Variants in ITSN1 observed in about 807,000 individuals in gnomAD.
The protein encoded by ITSN1 is intersectin-1.
ITSN1 carries 58 observed loss-of-function variants against 239.8 expected under a neutral mutation model. That is an observed-to-expected ratio of 0.24 (90% CI 0.20 to 0.30). ITSN1 has a LOEUF of 0.30. ITSN1 is among the 10% of genes least tolerant of loss of function. ITSN1 has a pLI of 1.00. For synonymous variants in ITSN1, 780 were observed against 770.8 expected (o/e 1.01, Z -0.20); for missense variants, 1,558 against 2,103.3 (o/e 0.74, Z 5.07).
intron 5 of ITSN1, among the ~76,000 whole-genome samples, chr21:33,746,200 CTAAA>C: frequency 6.6e-6 from 1 of 152,242 alleles, no homozygotes; most frequent in African/African-American, 2.4e-5. Flanking sequence ...ATGCCGGTTA[CTAAA>C]TAAAGATAGA....
At chr21:33,770,550 CA>C (rs1382316426) in intron 11 of ITSN1, among the ~76,000 whole-genome samples, 2 of 152,196 alleles carry the variant, frequency 1.3e-5, no homozygotes, top group Admixed American at 6.5e-5. Flanking sequence ...CACCTCACAA[CA>C]AAACTCCATA....
intron 10 of ITSN1, among the ~76,000 whole-genome samples, chr21:33,767,264 A>G (rs575759684): frequency 2.0e-5 from 3 of 152,328 alleles, no homozygotes; most frequent in South Asian, 2.1e-4. Context: ...TTTACGAACT[A>G]TATAGACATT....
chr21:33,673,331 G>A (rs2090409882), intron 1 of ITSN1, among the ~76,000 whole-genome samples: 2 of 152,290 alleles, frequency 1.3e-5, no homozygotes, highest in Admixed American at 1.3e-4. Context: ...TTAGCATGAT[G>A]ACTCTGGCTA....
At chr21:33,788,084 C>G (rs1471467582) in intron 16 of ITSN1, among the ~76,000 whole-genome samples, 1 of 152,142 alleles carries the variant, frequency 6.6e-6, no homozygotes, top group Non-Finnish European at 1.5e-5. Context: ...ACTTTCTTCT[C>G]TTAATGGAAT....
intron 1 of ITSN1, among the ~76,000 whole-genome samples, chr21:33,673,065 ATCCAGTGGAATAG>A (rs1210813966): frequency 2.6e-5 from 4 of 152,198 alleles, no homozygotes; most frequent in Non-Finnish European, 1.5e-5. Flanking sequence ...GGGCATATAC[ATCCAGTGGAATAG>A]CCATTAAAAA....
In ITSN1 at chr21:33,856,785, G is replaced by A. The variant is rs1390101425; in HGVS notation, c.3711G>A (p.Lys1237=). The A allele has an allele frequency of 6.2e-6, 10 of 1,614,144 alleles. No individual in the cohort carries two copies. Among genetic ancestry groups the A allele is most frequent in the Non-Finnish European group, 8.5e-6 (10 of 1,180,020 alleles). ...ATATGTTGACCCCAACTGAAAGAAAGCGACAAGGATACATCCACGAGCTCA... is the reference window on the plus strand; with the variant it reads ...ATATGTTGACCCCAACTGAAAGAAAACGACAAGGATACATCCACGAGCTCA... ...LLDMLTPTER[K]RQGYIHELIV... Residue 1237 remains lysine (K), a synonymous_variant, in exon 30 of 40, where the codon AAG becomes AAA. Coordinates refer to ENST00000381318, the MANE Select transcript of ITSN1 (RefSeq NM_003024.3).
chr21:33,739,738 A>G (rs2066728832), intron 5 of ITSN1, among the ~76,000 whole-genome samples: 1 of 152,218 alleles, frequency 6.6e-6, no homozygotes, highest in African/African-American at 2.4e-5. Flanking sequence ...GTCCTAAGGC[A>G]AAAACTAGCT....
chr21:33,734,122 TC>T (rs1036802285), intron 4 of ITSN1, among the ~76,000 whole-genome samples: 5 of 152,146 alleles, frequency 3.3e-5, no homozygotes, highest in African/African-American at 1.2e-4. Context: ...TTTAAAAAAA[TC>T]CTCATGCTTT....
intron 4 of ITSN1, among the ~76,000 whole-genome samples, chr21:33,730,248 T>A (rs1476793332): frequency 6.6e-6 from 1 of 152,002 alleles, no homozygotes; most frequent in Admixed American, 6.6e-5. Flanking sequence ...TTCCACCCAT[T>A]GTATTAGTTT....
chr21:33,725,665 A>G (rs1160694960), intron 4 of ITSN1, among the ~76,000 whole-genome samples: 2 of 152,212 alleles, frequency 1.3e-5, no homozygotes, highest in Non-Finnish European at 2.9e-5. Flanking sequence ...AGGTTTTTAT[A>G]ATGACTATGT....
rs76350182 is a variant in ITSN1, at chr21:33,859,413, C to T, written c.3890+621C>T. On this transcript the variant is annotated intron_variant, in intron 31 of 39. Coordinates refer to ENST00000381318, the MANE Select transcript of ITSN1 (RefSeq NM_003024.3). ...ATCTGTAAAATGAAAGGGTTGGATT[C>T]GATCATCACAAAGTCTCTTCCAATT... Among the ~76,000 whole-genome samples, 1,066 of 151,734 alleles carry T rather than the reference C, an allele frequency of 7.0e-3. 8 individuals carry two copies. Among genetic ancestry groups the T allele is most frequent in the Non-Finnish European group, 0.011 (721 of 67,906 alleles).
chr21:33,820,136 TAAAA>T (rs879562955), intron 24 of ITSN1, among the ~76,000 whole-genome samples: 4 of 146,144 alleles, frequency 2.7e-5, no homozygotes, highest in Non-Finnish European at 6.1e-5. Context: ...AATTTAGGAC[TAAAA>T]AAAAAAAAAT....
At chr21:33,806,965 T>C (rs1250172093) in intron 20 of ITSN1, among the ~76,000 whole-genome samples, 1 of 152,226 alleles carries the variant, frequency 6.6e-6, no homozygotes, top group Non-Finnish European at 1.5e-5. Context: ...CATTTTCATA[T>C]GTTGACCTTT....
intron 1 of ITSN1, among the ~76,000 whole-genome samples, chr21:33,696,748 C>G (rs2091812636): frequency 6.6e-6 from 1 of 152,188 alleles, no homozygotes; most frequent in African/African-American, 2.4e-5. Flanking sequence ...TTATTTTACA[C>G]AGTTAGTACT....
intron 1 of ITSN1, among the ~76,000 whole-genome samples, chr21:33,662,115 C>T (rs148299046): frequency 6.6e-6 from 1 of 152,288 alleles, no homozygotes; most frequent in Non-Finnish European, 1.5e-5. Context: ...TTCTATTTCT[C>T]TTCCATCTGG....
At position 33,886,239 on chromosome 21, in the gene ITSN1, C is replaced by T. The variant is rs563158844; in HGVS notation, c.4844-48C>T. On this transcript the variant is annotated intron_variant, in intron 38 of 39. Coordinates refer to ENST00000381318, the MANE Select transcript of ITSN1 (RefSeq NM_003024.3). ...AAAAAAAAAAAAAAAGAGTGGAGAT[C>T]AAAATGAGGTGTGAGTTCCACCTGG... 54 of 1,299,450 alleles carry T rather than the reference C, an allele frequency of 4.2e-5. 1 individual carries two copies. The South Asian group carries it at 6.7e-4, about 16-fold the overall frequency. 80.5% of individuals were successfully genotyped at this position (1,299,450 alleles called of 1,614,324 possible). A position where few individuals can be genotyped will look rare whatever the true frequency, so the allele number is the denominator to read the frequency against.
rs766759137 is a variant in ITSN1, at chr21:33,733,631, A to C, written c.186-1413A>C. On this transcript the variant is annotated intron_variant, in intron 4 of 39. Transcript: ENST00000381318. ...TATAAACTAACAACAAAAGACATGC[A>C]ATATATAGAAAATTTGGCAAAGGAT... Among the ~76,000 whole-genome samples, 7 of 152,054 alleles carry C rather than the reference A, an allele frequency of 4.6e-5. No homozygotes were observed. The South Asian group carries it at 1.2e-3, about 27-fold the overall frequency.
At chr21:33,821,007 G>T (rs996335893) in intron 24 of ITSN1, among the ~76,000 whole-genome samples, 10 of 152,318 alleles carry the variant, frequency 6.6e-5, no homozygotes, top group African/African-American at 2.4e-4. Flanking sequence ...ACCCCTTGAG[G>T]TAGGAAATTA....
At chr21:33,777,831 C>A (rs370455700) in intron 14 of ITSN1, among the ~76,000 whole-genome samples, 63 of 152,268 alleles carry the variant, frequency 4.1e-4, no homozygotes, top group African/African-American at 1.4e-3. Context: ...CCAGAACCTC[C>A]CATACTATAT....
Sources: allele counts gnomAD v4.1 joint callset (sites outside exome capture counted in the v4.1 genomes callset), GRCh38; gene constraint gnomAD v4.1.1; transcripts MANE v1.5; gene names NCBI Gene and HGNC (gene_info 2026-07-23, HGNC 2026-07-21).